Variants in WDPCP observed in about 807,000 individuals in gnomAD.
The protein encoded by WDPCP is WD repeat-containing and planar cell polarity effector protein fritz homolog.
In WDPCP, 71 loss-of-function variants were observed where a neutral mutation model predicts 93.1. The observed-to-expected ratio is 0.76, with a 90% CI of 0.63 to 0.93. WDPCP has a LOEUF of 0.93. WDPCP is among the 40% of genes least tolerant of loss of function. The probability of loss-of-function intolerance (pLI) is 0.00; values close to 1 mark genes in which losing one functional copy is unlikely to be tolerated. For synonymous variants in WDPCP, 315 were observed against 315.0 expected (o/e 1.00, Z 0.00); for missense variants, 844 against 887.4 (o/e 0.95, Z 0.62).
At chr2:63,825,704 A>T (rs970459760) in intron 1 of WDPCP, among the ~76,000 whole-genome samples, 9 of 151,978 alleles carry the variant, frequency 5.9e-5, no homozygotes, top group African/African-American at 2.2e-4. Context: ...AACTTTAATC[A>T]TGTGACAGGG....
In WDPCP at chr2:63,744,561, G is replaced by A. The variant is rs1669769099; in HGVS notation, n.308+69061C>T. Among the ~76,000 whole-genome samples the A allele has an allele frequency of 2.6e-5, 4 of 152,088 alleles. No individual in the cohort carries two copies. The South Asian group carries it at 8.3e-4, about 32-fold the overall frequency. ...TGGAAAACAACGTCTCTCATATACT[G>A]TAGTAAATCACTAAGTTGCAATTGT... On this transcript the variant is annotated intron_variant and non_coding_transcript_variant, in intron 2 of 4. Coordinates refer to the WDPCP transcript ENST00000467687.
intron 1 of WDPCP, among the ~76,000 whole-genome samples, chr2:63,579,724 G>A (rs762960694): frequency 6.6e-6 from 1 of 151,730 alleles, no homozygotes; most frequent in Non-Finnish European, 1.5e-5. Context: ...TCCAAATGGA[G>A]TAGATAGATT....
At chr2:63,488,260 TAA>T (rs1324815516) in intron 2 of WDPCP, among the ~76,000 whole-genome samples, 7 of 152,048 alleles carry the variant, frequency 4.6e-5, no homozygotes, top group African/African-American at 7.2e-5. Context: ...AACATAAGGA[TAA>T]AGAGTATACA....
chr2:63,812,374 G>A (rs1386194409), intron 2 of WDPCP, among the ~76,000 whole-genome samples: 1 of 152,160 alleles, frequency 6.6e-6, no homozygotes, highest in Non-Finnish European at 1.5e-5. Flanking sequence ...GTGATGAACA[G>A]GTAAGGCTGT....
intron 1 of WDPCP, among the ~76,000 whole-genome samples, chr2:63,554,204 T>C (rs1051554677): frequency 1.3e-5 from 2 of 152,260 alleles, no homozygotes; most frequent in African/African-American, 2.4e-5. Context: ...GGTTACTTTA[T>C]AGAAGTTTCT....
At chr2:63,381,414 G>A (rs1692296972) in intron 11 of WDPCP, among the ~76,000 whole-genome samples, 1 of 151,918 alleles carries the variant, frequency 6.6e-6, no homozygotes, top group Admixed American at 6.6e-5. Flanking sequence ...GTCAGAATAA[G>A]GAAAACAAGA....
chr2:63,207,308 G>T (rs987297721), intron 14 of WDPCP, among the ~76,000 whole-genome samples: 1 of 152,084 alleles, frequency 6.6e-6, no homozygotes, highest in African/African-American at 2.4e-5. Flanking sequence ...AGATTTGGTT[G>T]TTTCTGTAGC....
rs999892956 is a variant in WDPCP at position 63,757,907 on chromosome 2, G to A, written n.308+55715C>T. On this transcript the variant is annotated intron_variant and non_coding_transcript_variant, in intron 2 of 4. Coordinates refer to the WDPCP transcript ENST00000467687. ...CTCCTTGCTAACCTGAGTTCTGAAT[G>A]TAGAGTGAGCAAGAAATAAATATTT... is the stretch of plus-strand genomic sequence containing the variant. 3.0e-4 allele frequency among the ~76,000 whole-genome samples: 46 copies of A among 152,182 alleles called. 1 individual carries two copies. Among genetic ancestry groups the A allele is most frequent in the Non-Finnish European group, 5.9e-5 (4 of 68,040 alleles).
intron 10 of WDPCP, among the ~76,000 whole-genome samples, chr2:63,400,040 A>G (rs1413977211): frequency 6.6e-6 from 1 of 151,890 alleles, no homozygotes; most frequent in Non-Finnish European, 1.5e-5. Flanking sequence ...TGTACCATAG[A>G]GCCAAATTCC....
chr2:63,594,331 T>C (rs779684623), intron 3 of WDPCP: 2 of 742,192 alleles, frequency 2.7e-6, no homozygotes, highest in Non-Finnish European at 5.0e-6. Context: ...CACGTAAATA[T>C]GCAGCACATT....
At chr2:63,314,317 G>A (rs1320276199) in intron 12 of WDPCP, among the ~76,000 whole-genome samples, 2 of 151,960 alleles carry the variant, frequency 1.3e-5, no homozygotes, top group East Asian at 1.9e-4. Context: ...ACAGGTGCAC[G>A]CCACTATGCC....
At chr2:63,294,152 A>G (rs1684657969) in intron 13 of WDPCP, among the ~76,000 whole-genome samples, 1 of 152,230 alleles carries the variant, frequency 6.6e-6, no homozygotes, top group Admixed American at 6.5e-5. Context: ...CCTAAGTAAT[A>G]CTACCAGTAG....
chr2:63,137,865 A>G (rs1670740719), intron 17 of WDPCP, among the ~76,000 whole-genome samples: 1 of 152,098 alleles, frequency 6.6e-6, no homozygotes, highest in Admixed American at 6.6e-5. Context: ...AGATAGTTGT[A>G]GGTGTGCAGT....
At chr2:63,247,917 A>G (rs1680416038) in intron 14 of WDPCP, among the ~76,000 whole-genome samples, 1 of 150,896 alleles carries the variant, frequency 6.6e-6, no homozygotes. Context: ...TTCCTTTTGT[A>G]CACACTCGAT....
At chr2:63,831,757 A>T (rs572027847), upstream of WDPCP, among the ~76,000 whole-genome samples, 371 of 152,296 alleles carry the variant, frequency 2.4e-3, 4 homozygotes, top group African/African-American at 8.6e-3. Flanking sequence ...TTTAACATCA[A>T]AACCAATCTT....
At chr2:63,299,812 T>C (rs1685188039) in intron 13 of WDPCP, among the ~76,000 whole-genome samples, 1 of 152,140 alleles carries the variant, frequency 6.6e-6, no homozygotes, top group Admixed American at 6.5e-5. Flanking sequence ...TGGGAGTCCT[T>C]GGAAAGGCTT....
chr2:63,773,130 T>A (rs767713929), intron 2 of WDPCP, among the ~76,000 whole-genome samples: 2 of 152,066 alleles, frequency 1.3e-5, no homozygotes, highest in Non-Finnish European at 2.9e-5. Context: ...TACATATGTA[T>A]GCCAAAAGAC....
intron 15 of WDPCP, among the ~76,000 whole-genome samples, chr2:63,158,992 A>G (rs892293095): frequency 6.7e-6 from 1 of 148,322 alleles, no homozygotes; most frequent in African/African-American, 2.5e-5. Context: ...AAAAAAAAAA[A>G]AAAAAAAGCA....
intron 6 of WDPCP, among the ~76,000 whole-genome samples, chr2:63,450,431 A>G (rs1004060963): frequency 1.7e-4 from 26 of 152,268 alleles, no homozygotes; most frequent in Middle Eastern, 6.8e-3. Flanking sequence ...TGCTACTGGC[A>G]TCACCCATAC....
Sources: gnomAD v4.1 joint callset for allele counts (sites outside exome capture counted in the v4.1 genomes callset) on GRCh38, gnomAD v4.1.1 for gene constraint, MANE v1.5 for transcripts, NCBI Gene and HGNC (gene_info 2026-07-23, HGNC 2026-07-21) for gene names.